LAMC1: variants seen among roughly 807,000 people sequenced by gnomAD.
The protein encoded by LAMC1 is laminin subunit gamma-1.
In LAMC1, 38 loss-of-function variants were observed where a neutral mutation model predicts 173.6. The ratio of observed to expected loss-of-function variants is 0.22; its 90% CI spans 0.17 to 0.29. The LOEUF (loss-of-function observed/expected upper bound fraction) is 0.29, where lower values mean the gene tolerates loss of function less well. Among genes scored for constraint, LAMC1 ranks in the 10% least tolerant of loss-of-function variants. The pLI, the probability that LAMC1 is intolerant of heterozygous loss-of-function variation, is 1.00. For synonymous variants in LAMC1, 746 were observed against 749.1 expected (o/e 1.00, Z 0.07); for missense variants, 1,824 against 2,051.8 (o/e 0.89, Z 2.14).
At chr1:183,135,016 T>C (rs1558060555) in intron 23 of LAMC1, 26 bp from the exon 24 acceptor site, 1 of 1,564,726 alleles carries the variant, frequency 6.4e-7, no homozygotes, top group Middle Eastern at 1.7e-4. Context: ...TGAGGGTTCA[T>C]CCTCTCATCT....
chr1:183,134,310 A>T (rs929554990), intron 22 of LAMC1, among the ~76,000 whole-genome samples: 8 of 152,242 alleles, frequency 5.3e-5, no homozygotes, highest in Non-Finnish European at 1.0e-4. Flanking sequence ...GAATTAGTCT[A>T]TGATGATAAA....
chr1:183,095,692 G>A (rs1655675211), intron 1 of LAMC1, among the ~76,000 whole-genome samples: 1 of 152,132 alleles, frequency 6.6e-6, no homozygotes. Flanking sequence ...CCAGCTCAAG[G>A]ACTTATTCAT....
intron 3 of LAMC1, among the ~76,000 whole-genome samples, chr1:183,108,784 A>T (rs910363809): frequency 1.3e-5 from 2 of 152,252 alleles, no homozygotes; most frequent in Non-Finnish European, 2.9e-5. Context: ...TGAACAGGGT[A>T]GGCAATGTAT....
chr1:183,079,116 A>G (rs1655194381), intron 1 of LAMC1, among the ~76,000 whole-genome samples: 1 of 151,046 alleles, frequency 6.6e-6, no homozygotes, highest in African/African-American at 2.4e-5. Context: ...TTTAGACAGA[A>G]CCATTGCTAC....
In LAMC1 at chr1:183,136,465, C is replaced by T. The variant is rs201026467; in HGVS notation, c.4194C>T (p.Ile1398=). 1 of 1,614,224 alleles carries T rather than the reference C, an allele frequency of 6.2e-7. No individual in the cohort carries two copies. The highest frequency in any genetic ancestry group is 8.5e-7 in the Non-Finnish European group (1 of 1,180,032). Residue 1398 remains isoleucine, a synonymous_variant, in exon 25 of 28, where the codon ATC becomes ATT. Coordinates refer to ENST00000258341, the MANE Select transcript of LAMC1 (RefSeq NM_002293.4). ...AGATTCCTGCCATCAACCAGACCAT[C>T]ACTGAAGCCAATGAAAAGACCAGAG... ...LRKIPAINQT[I]TEANEKTREA... is the part of the protein sequence containing the mutation.
At chr1:183,103,783 C>T in intron 2 of LAMC1, 151 bp downstream of exon 2, 1 of 551,552 alleles carries the variant, frequency 1.8e-6, no homozygotes. Context: ...TGATTCTGCT[C>T]TCTGTGTACT....
chr1:183,034,554 A>G lies in LAMC1; in HGVS notation c.418+10420A>G, dbSNP rs189773505. On this transcript the variant is annotated intron_variant, in intron 1 of 27. Coordinates refer to ENST00000258341, the MANE Select transcript of LAMC1 (RefSeq NM_002293.4). ...CCAAAGTGCTGGGATTACAGGCGTG[A>G]GCCACCGCGCCCAGCCCAGTTGAAA... Among the ~76,000 whole-genome samples the G allele has an allele frequency of 1.6e-4, 24 of 152,338 alleles. No individual in the cohort carries two copies. In the East Asian group the frequency reaches 4.6e-3, roughly 29 times the overall value.
At chr1:183,101,837 G>T (rs756309014) in intron 1 of LAMC1, among the ~76,000 whole-genome samples, 4 of 152,190 alleles carry the variant, frequency 2.6e-5, no homozygotes, top group Non-Finnish European at 5.9e-5. Context: ...TCATGTATGT[G>T]GGGGACAGTT....
intron 17 of LAMC1, 73 bp downstream of exon 17, chr1:183,127,477 T>G: frequency 2.3e-5 from 32 of 1,391,122 alleles, no homozygotes; most frequent in African/African-American, 2.8e-5. Context: ...CACTAATCTC[T>G]ATAGAAAAAG....
At chr1:183,039,753 G>C (rs1654075846) in intron 1 of LAMC1, among the ~76,000 whole-genome samples, 2 of 152,156 alleles carry the variant, frequency 1.3e-5, no homozygotes, top group Admixed American at 1.3e-4. Flanking sequence ...ACCATTTCAA[G>C]ATGGACACTG....
Position 183,103,494 on chromosome 1 carries a change from G to A in LAMC1, c.585G>A (p.Arg195=), listed in dbSNP as rs1247415852. ...TYSKANRGFI[R]TGGDEQQALC... is the part of the protein sequence containing the mutation. Reference sequence around the variant, plus strand: ...CCAAGGCAAACCGCGGCTTCATCAGGACAGGAGGGGACGAGCAGCAGGCCT... The same window carrying A: ...CCAAGGCAAACCGCGGCTTCATCAGAACAGGAGGGGACGAGCAGCAGGCCT... The change falls in exon 2 of 28, where the codon AGG becomes AGA. Residue 195 remains arginine (R), a synonymous_variant. Coordinates refer to ENST00000258341, the MANE Select transcript of LAMC1 (RefSeq NM_002293.4). The A allele has an allele frequency of 6.2e-7, 1 of 1,614,216 alleles. No homozygotes were observed. The highest frequency in any genetic ancestry group is 8.5e-7 in the Non-Finnish European group (1 of 1,180,054).
chr1:183,132,408 A>C lies in LAMC1; in HGVS notation c.3575A>C (p.Gln1192Pro). The C allele has an allele frequency of 6.2e-7, 1 of 1,613,818 alleles. No homozygotes were observed. ...EARKLAERHK[Q>P]EADDIVRVAK... ...TTGTTTTATCTGTATAGTCATAAACAGGAAGCTGATGACATTGTTCGAGTG... is the reference window on the plus strand; with the variant it reads ...TTGTTTTATCTGTATAGTCATAAACCGGAAGCTGATGACATTGTTCGAGTG... The change falls in exon 21 of 28, where the codon CAG (glutamine) becomes CCG (proline). Residue 1192 changes from glutamine to proline, a missense_variant. Coordinates refer to ENST00000258341, the MANE Select transcript of LAMC1 (RefSeq NM_002293.4).
intron 14 of LAMC1, 121 bp from the exon 15 acceptor site, chr1:183,125,276 A>G: frequency 1.1e-6 from 1 of 928,322 alleles, no homozygotes; most frequent in Non-Finnish European, 1.7e-6. Context: ...CTCAGTAGCC[A>G]CATGTGACAG....
At chr1:183,114,372 T>C (rs1328020316) in intron 4 of LAMC1, among the ~76,000 whole-genome samples, 159 bp from the exon 5 acceptor site, 1 of 152,110 alleles carries the variant, frequency 6.6e-6, no homozygotes. Context: ...CACCTGACCT[T>C]CTTGTTGTTG....
intron 4 of LAMC1, among the ~76,000 whole-genome samples, chr1:183,113,296 C>A (rs79726410): frequency 2.6e-5 from 4 of 152,074 alleles, no homozygotes; most frequent in Non-Finnish European, 5.9e-5. Context: ...CAGAGTGAGA[C>A]CCTGTCTCCA....
At chr1:183,092,946 C>T (rs1655602900) in intron 1 of LAMC1, among the ~76,000 whole-genome samples, 1 of 152,134 alleles carries the variant, frequency 6.6e-6, no homozygotes. Context: ...TTGAACACCC[C>T]TTTCCCCCTT....
At chr1:183,133,680 G>C in intron 22 of LAMC1, 130 bp downstream of exon 22, 1 of 918,304 alleles carries the variant, frequency 1.1e-6, no homozygotes, top group Non-Finnish European at 1.6e-6. Context: ...TTTCACATAC[G>C]CTAATAGAAC....
chr1:183,074,350 T>G (rs532962845), intron 1 of LAMC1, among the ~76,000 whole-genome samples: 2 of 152,298 alleles, frequency 1.3e-5, no homozygotes, highest in African/African-American at 4.8e-5. Context: ...ATGTGTAAAA[T>G]AAGTGCTGTT....
intron 13 of LAMC1, among the ~76,000 whole-genome samples, chr1:183,122,735 A>G (rs765208251): frequency 2.0e-5 from 3 of 152,082 alleles, no homozygotes; most frequent in Non-Finnish European, 4.4e-5. Context: ...GAAAGCACAT[A>G]TGGGAGCTCA....
Sources: gnomAD v4.1 joint callset for allele counts (sites outside exome capture counted in the v4.1 genomes callset) on GRCh38, gnomAD v4.1.1 for gene constraint, MANE v1.5 for transcripts, NCBI Gene and HGNC (gene_info 2026-07-23, HGNC 2026-07-21) for gene names.